The following SLC35F1 variants were observed in gnomAD, a reference collection of about 807,000 sequenced individuals.
The protein encoded by SLC35F1 is solute carrier family 35 member F1.
In SLC35F1, 14 loss-of-function variants were observed where a neutral mutation model predicts 48.7. That is an observed-to-expected ratio of 0.29 (90% CI 0.19 to 0.45). The LOEUF (loss-of-function observed/expected upper bound fraction) is 0.45, where lower values mean the gene tolerates loss of function less well. SLC35F1 is among the 20% of genes least tolerant of loss of function. SLC35F1 has a pLI of 1.00. For missense variants in SLC35F1, 404 were observed against 500.0 expected, an observed-to-expected ratio of 0.81 and a Z score of 1.83; for synonymous variants, 190 against 202.2, an observed-to-expected ratio of 0.94 and a Z score of 0.51.
intron 4 of SLC35F1, among the ~76,000 whole-genome samples, chr6:118,272,042 G>A (rs115061770): frequency 0.01 from 1,570 of 152,286 alleles, 29 homozygotes; most frequent in African/African-American, 0.036. Context: ...TAAATTGAAA[G>A]CTGTTCTCAC....
intron 1 of SLC35F1, among the ~76,000 whole-genome samples, chr6:118,001,739 C>G (rs575787401): frequency 7.4e-4 from 113 of 152,064 alleles, no homozygotes; most frequent in African/African-American, 2.5e-3. Flanking sequence ...ACAATGAACT[C>G]AAACAAATTT....
chr6:117,983,771 G>T (rs925332891), intron 1 of SLC35F1, among the ~76,000 whole-genome samples: 3 of 152,216 alleles, frequency 2.0e-5, no homozygotes, highest in Middle Eastern at 3.4e-3. Context: ...AAACAGAAAT[G>T]GTCAGTCTTT....
At chr6:118,084,482 T>C (rs1772956168) in intron 1 of SLC35F1, among the ~76,000 whole-genome samples, 1 of 152,132 alleles carries the variant, frequency 6.6e-6, no homozygotes, top group Non-Finnish European at 1.5e-5. Context: ...TATATGCTAA[T>C]GTGTTCAAAG....
chr6:118,217,186 G>T (rs920966458), intron 2 of SLC35F1, among the ~76,000 whole-genome samples: 3 of 152,132 alleles, frequency 2.0e-5, no homozygotes, highest in Non-Finnish European at 2.9e-5. Context: ...TTGCCCCAGT[G>T]TTCATAGCAG....
intron 1 of SLC35F1, among the ~76,000 whole-genome samples, chr6:118,054,546 T>C (rs6923079): frequency 0.66 from 100,660 of 152,020 alleles, 33,477 homozygotes; most frequent in African/African-American, 0.7. Context: ...CAGGGTCTTG[T>C]ATTCTCTATA....
intron 1 of SLC35F1, among the ~76,000 whole-genome samples, chr6:118,142,404 A>G (rs1773904116): frequency 6.6e-6 from 1 of 152,208 alleles, no homozygotes; most frequent in African/African-American, 2.4e-5. Context: ...CCCTGCCTCA[A>G]GGGCTTTCTT....
intron 2 of SLC35F1, among the ~76,000 whole-genome samples, chr6:118,168,621 T>C (rs1774353775): frequency 2.0e-5 from 3 of 152,128 alleles, no homozygotes; most frequent in South Asian, 4.1e-4. Context: ...CTTCCAAGAC[T>C]CTTAACTGTC....
At chr6:118,076,106 A>G (rs1772813981) in intron 1 of SLC35F1, among the ~76,000 whole-genome samples, 1 of 152,178 alleles carries the variant, frequency 6.6e-6, no homozygotes, top group African/African-American at 2.4e-5. Context: ...TTGCTCGTGT[A>G]TTGTGCCTGT....
At chr6:118,305,026 C>A (rs1400309401) in intron 7 of SLC35F1, among the ~76,000 whole-genome samples, 1 of 64,032 alleles carries the variant, frequency 1.6e-5, no homozygotes, top group Admixed American at 1.3e-4. Flanking sequence ...ATTATATTAG[C>A]AGAGAAACAG....
intron 5 of SLC35F1, among the ~76,000 whole-genome samples, chr6:118,276,576 T>C (rs1028239475): frequency 4.6e-5 from 7 of 152,180 alleles, no homozygotes; most frequent in African/African-American, 1.7e-4. Flanking sequence ...AAGGATTTAT[T>C]TGGGGTCCAT....
chr6:118,153,236 G>A (rs1316625603), intron 1 of SLC35F1, among the ~76,000 whole-genome samples: 1 of 151,244 alleles, frequency 6.6e-6, no homozygotes, highest in Non-Finnish European at 1.5e-5. Context: ...AAATCATACT[G>A]CATTACAAAC....
rs1777346820 is a variant in SLC35F1 at position 118,018,160 on chromosome 6, C to G, written c.173+110261C>G. On this transcript the variant is annotated intron_variant, in intron 1 of 7. Transcript: ENST00000360388. ...GGCTGAGGGAGGCAGATCATGAGGT[C>G]AGGAGTTTGAGACCTGCCTGGCCAA... Among the ~76,000 whole-genome samples the G allele has an allele frequency of 2.0e-5, 3 of 152,250 alleles. No homozygotes were observed. In the South Asian group the frequency reaches 6.2e-4, roughly 32 times the overall value.
chr6:118,070,491 T>A (rs1772686237), intron 1 of SLC35F1, among the ~76,000 whole-genome samples: 1 of 152,104 alleles, frequency 6.6e-6, no homozygotes, highest in Non-Finnish European at 1.5e-5. Context: ...ATAAAAAGTA[T>A]GCACATACAC....
At chr6:118,149,967 G>A (rs1352022218) in intron 1 of SLC35F1, among the ~76,000 whole-genome samples, 1 of 152,050 alleles carries the variant, frequency 6.6e-6, no homozygotes, top group Non-Finnish European at 1.5e-5. Context: ...ACTCAATCAG[G>A]ACACACAGTA....
At chr6:117,920,482 G>A (rs573131949) in intron 1 of SLC35F1, among the ~76,000 whole-genome samples, 18 of 152,316 alleles carry the variant, frequency 1.2e-4, no homozygotes, top group South Asian at 8.3e-4. Context: ...ACTACTTGCG[G>A]AGAAAGTCTG....
chr6:118,138,331 C>G (rs1773828863), intron 1 of SLC35F1, among the ~76,000 whole-genome samples: 1 of 151,378 alleles, frequency 6.6e-6, no homozygotes, highest in Non-Finnish European at 1.5e-5. Flanking sequence ...AATTAAAAAC[C>G]TTAGAGGAAA....
intron 1 of SLC35F1, among the ~76,000 whole-genome samples, chr6:118,085,487 C>CATTT (rs1772974840): frequency 1.8e-5 from 1 of 56,938 alleles, no homozygotes; most frequent in African/African-American, 7.4e-5. Flanking sequence ...TCTTTCTTTC[C>CATTT]TTTTTTTTTT....
intron 2 of SLC35F1, among the ~76,000 whole-genome samples, chr6:118,192,574 C>T (rs1774746602): frequency 6.6e-6 from 1 of 152,036 alleles, no homozygotes; most frequent in South Asian, 2.1e-4. Context: ...ACACAATTAA[C>T]AAGGAAATTT....
intron 1 of SLC35F1, among the ~76,000 whole-genome samples, chr6:117,986,970 T>TA (rs1208915464): frequency 1.3e-5 from 2 of 152,062 alleles, no homozygotes; most frequent in Non-Finnish European, 2.9e-5. Context: ...GTAGGTATAA[T>TA]AATTAAAAAA....
Sources: allele counts gnomAD v4.1 joint callset (sites outside exome capture counted in the v4.1 genomes callset), GRCh38; gene constraint gnomAD v4.1.1; transcripts MANE v1.5; gene names NCBI Gene and HGNC (gene_info 2026-07-23, HGNC 2026-07-21).